GOLGA3: variants seen among roughly 807,000 people sequenced by gnomAD.
GOLGA3 encodes the protein golgin subfamily A member 3.
In GOLGA3, 75 loss-of-function variants were observed where a neutral mutation model predicts 169.4. That is an observed-to-expected ratio of 0.44 (90% CI 0.37 to 0.54). The LOEUF is 0.54. Among genes scored for constraint, GOLGA3 ranks in the 20% least tolerant of loss-of-function variants. The probability of loss-of-function intolerance (pLI) is 0.00; values close to 1 mark genes in which losing one functional copy is unlikely to be tolerated. For synonymous variants in GOLGA3, 824 were observed against 822.4 expected, an observed-to-expected ratio of 1.00 and a Z score of -0.03; for missense variants, 1,899 against 1,930.0, an observed-to-expected ratio of 0.98 and a Z score of 0.30.
At position 132,773,144 on chromosome 12, in the gene GOLGA3, G is replaced by C. The variant is rs1272592967; in HGVS notation, c.4458C>G (p.His1486Gln). 24 of 1,587,374 alleles carry C rather than the reference G, an allele frequency of 1.5e-5. No homozygotes were observed. The highest frequency in any genetic ancestry group is 2.1e-5 in the Non-Finnish European group (24 of 1,166,268). ...HAGPRGDPQR[H>Q]SQSRASKEGP... ...CTTCTTTGGAAGCCCTGCTCTGACT[G>C]TGTCTCTGTGGGTCGCCGCGTGGGC... Residue 1486 changes from histidine (H) to glutamine (Q), a missense_variant, in exon 24 of 24, where the codon CAC becomes CAG. His to Gln is a conservative substitution (Grantham distance 24). Transcript: ENST00000450791.
In GOLGA3 at chr12:132,803,091, CAAAA is replaced by C. The variant is rs201306486; in HGVS notation, c.1598-1126_1598-1123del. 1.1e-4 allele frequency among the ~76,000 whole-genome samples: 7 copies of C among 63,260 alleles called. No individual in the cohort carries two copies. In the South Asian group the frequency reaches 2.7e-3, roughly 25 times the overall value. The allele number at this position is 63,260 out of a possible 152,430, so 41.5% of individuals were successfully genotyped here. On this transcript the variant is annotated intron_variant, in intron 7 of 23. Transcript: ENST00000450791. ...CAAAACAACAACAACAACAAAACAA[CAAAA>C]AAAAACACTAGACAGTGTTTGGGGC...
At chr12:132,788,656 A>G (rs1380803640) in intron 13 of GOLGA3, among the ~76,000 whole-genome samples, 4 of 152,154 alleles carry the variant, frequency 2.6e-5, no homozygotes, top group Non-Finnish European at 5.9e-5. Context: ...GGGTCTCCAC[A>G]AAACACTCAC....
rs966882799 is a variant in GOLGA3, at chr12:132,822,013, T to C, written c.116A>G (p.Gln39Arg). The change falls in exon 2 of 24, where the codon CAG becomes CGG. Residue 39 changes from glutamine (Q) to arginine (R), a missense_variant. Physicochemically the swap from Gln to Arg is conservative, Grantham distance 43. Transcript: ENST00000450791. Reference sequence around the variant, plus strand: ...CGACTTACACTGGACTTTGTCCTGCTGGTCAGGTGGCACCAGTGGGCCCGG... The same window carrying C: ...CGACTTACACTGGACTTTGTCCTGCCGGTCAGGTGGCACCAGTGGGCCCGG... ...KPPGPLVPPD[Q>R]QDKVQCAEVN... is the part of the protein sequence containing the mutation. The C allele has an allele frequency of 5.6e-6, 9 of 1,607,742 alleles. No homozygotes were observed. Among genetic ancestry groups the C allele is most frequent in the Non-Finnish European group, 7.6e-6 (9 of 1,177,434 alleles).
chr12:132,787,000 C>G (rs2045937268), intron 13 of GOLGA3, among the ~76,000 whole-genome samples: 1 of 151,968 alleles, frequency 6.6e-6, no homozygotes, highest in South Asian at 2.1e-4. Context: ...GTCACCCAGG[C>G]TGGAGTGCAG....
chr12:132,784,042 C>A (rs772124114), intron 16 of GOLGA3, 122 bp downstream of exon 16: 1 of 1,537,236 alleles, frequency 6.5e-7, no homozygotes, highest in South Asian at 1.2e-5. Flanking sequence ...GGTGGCAACA[C>A]CAAAAGTAGC....
chr12:132,796,744 T>C (rs375882199), intron 9 of GOLGA3, 44 bp from the exon 10 acceptor site: 23 of 1,591,230 alleles, frequency 1.4e-5, no homozygotes, highest in African/African-American at 8.1e-5. Context: ...GAAACCTTAA[T>C]AGTGAACAGC....
At chr12:132,784,526 C>T (rs746129645) in intron 15 of GOLGA3, among the ~76,000 whole-genome samples, 4 of 152,368 alleles carry the variant, frequency 2.6e-5, no homozygotes, top group Non-Finnish European at 4.4e-5. Context: ...ACAAAATCAT[C>T]TCTTCAGTTC....
intron 8 of GOLGA3, among the ~76,000 whole-genome samples, chr12:132,799,676 A>G (rs989456968): frequency 2.6e-5 from 4 of 151,872 alleles, no homozygotes; most frequent in Non-Finnish European, 4.4e-5. Flanking sequence ...TGGAGCCACC[A>G]TTGCTTTAAA....
At chr12:132,776,858 T>G in intron 20 of GOLGA3, 100 bp downstream of exon 20, 2 of 1,549,054 alleles carry the variant, frequency 1.3e-6, no homozygotes, top group Non-Finnish European at 8.7e-7. Context: ...AATACCATAT[T>G]CAGAAAACCA....
intron 1 of GOLGA3, among the ~76,000 whole-genome samples, chr12:132,824,931 A>G (rs1464014900): frequency 6.6e-6 from 1 of 152,168 alleles, no homozygotes; most frequent in East Asian, 1.9e-4. Context: ...GGGAATGGAG[A>G]AGACACCCAC....
intron 6 of GOLGA3, 89 bp from the exon 7 acceptor site, chr12:132,805,111 C>T (rs1949326819): frequency 7.2e-7 from 1 of 1,389,818 alleles, no homozygotes; most frequent in African/African-American, 1.4e-5. Context: ...GCGAGTCAGT[C>T]AGGGCCTGAC....
chr12:132,773,522 G>A (rs540049033), intron 23 of GOLGA3, among the ~76,000 whole-genome samples: 9 of 152,346 alleles, frequency 5.9e-5, no homozygotes, highest in Non-Finnish European at 1.3e-4. Flanking sequence ...GGTGGAAGCT[G>A]TCACTGAGGC....
At chr12:132,785,958 G>T (rs548476307) in intron 15 of GOLGA3, among the ~76,000 whole-genome samples, 84 of 152,332 alleles carry the variant, frequency 5.5e-4, no homozygotes, top group South Asian at 3.9e-3. Context: ...CCTCACTCCT[G>T]CTTCTCAGTG....
intron 8 of GOLGA3, among the ~76,000 whole-genome samples, chr12:132,798,999 T>C (rs537267566): frequency 2.6e-5 from 4 of 152,228 alleles, no homozygotes; most frequent in African/African-American, 9.6e-5. Flanking sequence ...CCCAGGACCA[T>C]GGCCCTGAGG....
At chr12:132,816,515 G>T in intron 3 of GOLGA3, 25 bp downstream of exon 3, 1 of 1,605,240 alleles carries the variant, frequency 6.2e-7, no homozygotes, top group Non-Finnish European at 8.5e-7. Context: ...TGGAGGGTGG[G>T]AAAAGCGGGG....
rs1949138533 is a variant in GOLGA3 at position 132,801,776 on chromosome 12, G to A, written c.1791C>T (p.Ala597=). Residue 597 remains alanine (A), a synonymous_variant, in exon 8 of 24, where the codon GCC becomes GCT. Transcript: ENST00000450791. The part of the protein sequence containing the change: ...EARVRLQGEM[A]HIQVGQMTQA... ...TAGATGTGGGCCGTACCTGGATGTG[G>A]GCCATCTCACCCTGCAGCCTGACGC... is the stretch of plus-strand genomic sequence containing the variant. 6.2e-7 allele frequency: 1 copy of A among 1,612,152 alleles called. No individual in the cohort carries two copies. Among genetic ancestry groups the A allele is most frequent in the Non-Finnish European group, 8.5e-7 (1 of 1,179,866 alleles).
At chr12:132,826,204 C>T (rs867162743) in intron 1 of GOLGA3, 6 of 1,516,926 alleles carry the variant, frequency 4.0e-6, no homozygotes, top group Admixed American at 2.1e-5. Context: ...CATCAGCCCG[C>T]TCCCCACAAT....
chr12:132,786,692 C>CACA lies in GOLGA3; in HGVS notation c.2906_2906+1insTGT (p.Lys969delinsAsnVal), dbSNP rs1453159599. The CACA allele has an allele frequency of 6.4e-7, 1 of 1,551,796 alleles. No individual in the cohort carries two copies. The highest frequency in any genetic ancestry group is 8.8e-7 in the Non-Finnish European group (1 of 1,139,678). On this transcript the variant is annotated protein_altering_variant and splice_region_variant. Coordinates refer to ENST00000450791, the MANE Select transcript of GOLGA3 (RefSeq NM_001389683.1). ...CCTCCCCCGGGCACATGCAGACTTA[C>CACA]TTCCGGGCCTCTTGCTGCAACTCTT...
intron 13 of GOLGA3, 100 bp downstream of exon 13, chr12:132,788,911 ACCCAGACAGACCCCGC>A: frequency 3.8e-6 from 1 of 266,110 alleles, no homozygotes; most frequent in Admixed American, 5.3e-5. Flanking sequence ...ACAGGCCCCG[ACCCAGACAGACCCCGC>A]CCCAGACACA....
Sources: allele counts gnomAD v4.1 joint callset (sites outside exome capture counted in the v4.1 genomes callset), GRCh38; gene constraint gnomAD v4.1.1; transcripts MANE v1.5; gene names NCBI Gene and HGNC (gene_info 2026-07-23, HGNC 2026-07-21).